The following PPP2R2D variants were observed in gnomAD, a reference collection of about 807,000 sequenced individuals.
PPP2R2D encodes serine/threonine-protein phosphatase 2A 55 kDa regulatory subunit B delta isoform.
Under a neutral mutation model 31.1 loss-of-function variants are expected in PPP2R2D, and 9 were observed. The ratio of observed to expected loss-of-function variants is 0.29; its 90% CI spans 0.17 to 0.51. PPP2R2D has a LOEUF of 0.51. PPP2R2D is among the 20% of genes least tolerant of loss of function. PPP2R2D has a pLI of 0.98. For synonymous variants in PPP2R2D, 179 were observed against 172.6 expected (o/e 1.04, Z -0.29); for missense variants, 391 against 465.6 (o/e 0.84, Z 1.48).
chr10:131,926,378 A>G (rs1589939553), intron 2 of PPP2R2D, among the ~76,000 whole-genome samples: 2 of 152,242 alleles, frequency 1.3e-5, no homozygotes, highest in East Asian at 3.9e-4. Context: ...GTCTGCTTGT[A>G]GAAAATTTCT....
At chr10:131,912,007 C>G (rs2119744537) in intron 2 of PPP2R2D, 1 of 152,296 alleles carries the variant, frequency 6.6e-6, no homozygotes, top group Non-Finnish European at 1.5e-5. Context: ...TGGAGTCTTC[C>G]TCAGGACCCA....
rs782088170 is a variant in PPP2R2D at position 131,955,960 on chromosome 10, C to T, written c.1359C>T (p.Asn453=). The change falls in exon 9 of 9, where the codon AAC becomes AAT. Residue 453 remains asparagine (N), a synonymous_variant. Transcript: ENST00000455566. ...TGTACATATTCCAGGACAAAATCAA[C>T]TAGAGACGCGAACGTGAGGACCAAG... ...NNLYIFQDKI[N] The T allele has an allele frequency of 4.6e-6, 7 of 1,508,192 alleles. No individual in the cohort carries two copies. Among genetic ancestry groups the T allele is most frequent in the Non-Finnish European group, 2.7e-6 (3 of 1,119,542 alleles). The allele number at this position is 1,508,192 out of a possible 1,614,324, so 93.4% of individuals were successfully genotyped here. A position where few individuals can be genotyped will look rare whatever the true frequency, so the allele number is the denominator to read the frequency against.
Position 131,959,463 on chromosome 10 carries a change from G to C in PPP2R2D, c.*3500G>C, listed in dbSNP as rs1355358155. 129 of 61,464 alleles carry C rather than the reference G, an allele frequency of 2.1e-3. 1 individual carries two copies. The highest frequency in any genetic ancestry group is 0.012 in the South Asian group (20 of 1,730). The allele number at this position is 61,464 out of a possible 1,614,324, so 3.8% of individuals were successfully genotyped here. On this transcript the variant is annotated 3_prime_UTR_variant, in exon 9 of 9. Transcript: ENST00000455566. ...GAGATGAAGGCGTGTGCTGATCCCC[G>C]GTCCCCCTGTGGAGATGAAGGTGTG...
At chr10:131,929,699 G>T (rs1392995245) in intron 2 of PPP2R2D, among the ~76,000 whole-genome samples, 1 of 151,964 alleles carries the variant, frequency 6.6e-6, no homozygotes, top group African/African-American at 2.4e-5. Flanking sequence ...TGTGCTCCGT[G>T]CCTCCCTCCC....
At position 131,922,084 on chromosome 10, in the gene PPP2R2D, T is replaced by A. The variant is rs76542930; in HGVS notation, c.101-12374T>A. Among the ~76,000 whole-genome samples the A allele has an allele frequency of 2.5e-3, 382 of 152,266 alleles. 10 individuals are homozygous for A. In the East Asian group the frequency reaches 0.066, roughly 26 times the overall value. ...TACCTCTCATAGACTTCAACGGCAG[T>A]GGTTTAATATGGTTCCCAAATTCTG... On this transcript the variant is annotated intron_variant, in intron 2 of 8. Transcript: ENST00000455566.
the PPP2R2D span, chr10:131,971,106 G>A: frequency 2.5e-6 from 2 of 793,560 alleles, no homozygotes; most frequent in East Asian, 5.3e-5. Flanking sequence ...TCGGACCGTG[G>A]TCCAAGGGGA....
the PPP2R2D span, among the ~76,000 whole-genome samples, chr10:131,965,216 C>G: frequency 6.6e-6 from 1 of 152,156 alleles, no homozygotes. Context: ...CTGCTGGATC[C>G]TATCTGACCA....
Position 131,919,097 on chromosome 10 carries a change from C to T in PPP2R2D, c.101-15361C>T, listed in dbSNP as rs141351695. 5.0e-4 allele frequency among the ~76,000 whole-genome samples: 54 copies of T among 107,040 alleles called. 14 individuals carry two copies. The East Asian group carries it at 0.018, about 36-fold the overall frequency. The allele number at this position is 107,040 out of a possible 152,430, so 70.2% of individuals were successfully genotyped here. On this transcript the variant is annotated intron_variant, in intron 2 of 8. Coordinates refer to ENST00000455566, the MANE Select transcript of PPP2R2D (RefSeq NM_018461.5). ...TGGAGTGACACAGTGTTTGTAGGGA[C>T]GTCAGGCGGCTGGAATGACAGTGTA...
At chr10:131,910,930 AG>A (rs1288029121) in intron 2 of PPP2R2D, among the ~76,000 whole-genome samples, 6 of 152,132 alleles carry the variant, frequency 3.9e-5, no homozygotes, top group Non-Finnish European at 8.8e-5. Flanking sequence ...ATGTTTCTGG[AG>A]GGGGGCCCAC....
At chr10:131,952,280 C>T (rs1299689685) in intron 8 of PPP2R2D, among the ~76,000 whole-genome samples, 7 of 66,390 alleles carry the variant, frequency 1.1e-4, no homozygotes, top group Non-Finnish European at 1.4e-4. Context: ...TGCGGGTGTG[C>T]GGGGGTTCAC....
rs983992170 is a variant in PPP2R2D, at chr10:131,945,643, A to G, written c.820+184A>G. The G allele has an allele frequency of 3.9e-5, 26 of 666,046 alleles. No homozygotes were observed. In the African/African-American group the frequency reaches 4.4e-4, roughly 11 times the overall value. 41.3% of individuals were successfully genotyped at this position (666,046 alleles called of 1,614,324 possible). ...CCCAGCTAGTTTTTGTATTTTTAGT[A>G]CAGACAGGGTTTCACCATGTTGACC... On this transcript the variant is annotated intron_variant, in intron 7 of 8. Coordinates refer to ENST00000455566, the MANE Select transcript of PPP2R2D (RefSeq NM_018461.5). The surrounding 1 kb of genome is among the most constrained non-coding windows in gnomAD (Gnocchi z 4.8).
chr10:131,916,770 G>GAGTT, intron 2 of PPP2R2D, among the ~76,000 whole-genome samples: 1 of 88,474 alleles, frequency 1.1e-5, no homozygotes, highest in Admixed American at 1.2e-4. Context: ...GAATGACACA[G>GAGTT]TGTAGGGACC....
chr10:131,952,325 CTGTCT>C, intron 8 of PPP2R2D, among the ~76,000 whole-genome samples: 1 of 63,290 alleles, frequency 1.6e-5, no homozygotes, highest in African/African-American at 7.3e-5. Context: ...GGGGGGTTCA[CTGTCT>C]TAGTGATTTG....
downstream of PPP2R2D, among the ~76,000 whole-genome samples, chr10:131,960,987 G>C (rs962412542): frequency 2.6e-5 from 4 of 152,052 alleles, no homozygotes; most frequent in Admixed American, 6.6e-5. Flanking sequence ...CTTCTGTGGC[G>C]AGCTGTCCTG....
At chr10:131,916,049 T>C (rs544707452) in intron 2 of PPP2R2D, among the ~76,000 whole-genome samples, 17 of 152,336 alleles carry the variant, frequency 1.1e-4, no homozygotes, top group Non-Finnish European at 2.2e-4. Context: ...CCTAAAGTAC[T>C]GATCACAGTC....
chr10:131,926,175 T>A (rs1554894905), intron 2 of PPP2R2D, among the ~76,000 whole-genome samples: 1 of 152,228 alleles, frequency 6.6e-6, no homozygotes, highest in East Asian at 1.9e-4. Flanking sequence ...TGCTTTTAGA[T>A]TATAGTGTCT....
chr10:131,941,776 G>T (rs2036446373), intron 5 of PPP2R2D, among the ~76,000 whole-genome samples: 1 of 152,176 alleles, frequency 6.6e-6, no homozygotes, highest in Non-Finnish European at 1.5e-5. Flanking sequence ...GCTTTGCCGT[G>T]TGGGGTGGCT....
At chr10:131,929,730 T>C (rs2036180638) in intron 2 of PPP2R2D, among the ~76,000 whole-genome samples, 1 of 152,058 alleles carries the variant, frequency 6.6e-6, no homozygotes, top group South Asian at 2.1e-4. Context: ...GGCAGCTGAC[T>C]CTCCCTGGGG....
At chr10:131,946,208 A>G (rs553110405) in intron 7 of PPP2R2D, among the ~76,000 whole-genome samples, 3 of 152,224 alleles carry the variant, frequency 2.0e-5, no homozygotes, top group Non-Finnish European at 4.4e-5. Flanking sequence ...ATTTTAATCC[A>G]GTGAGCTTTC....
Sources: allele counts gnomAD v4.1 joint callset (sites outside exome capture counted in the v4.1 genomes callset), GRCh38; gene constraint gnomAD v4.1.1; non-coding constraint Gnocchi (gnomAD v3.1); transcripts MANE v1.5; gene names NCBI Gene and HGNC (gene_info 2026-07-23, HGNC 2026-07-21).